The following UNC93A variants were observed in gnomAD, a reference collection of about 807,000 sequenced individuals.
UNC93A encodes N-acetylglucosamine transporter UNC93A.
In UNC93A, 43 loss-of-function variants were observed where a neutral mutation model predicts 47.5. That is an observed-to-expected ratio of 0.91 (90% CI 0.71 to 1.17). The LOEUF is 1.17. Among genes scored for constraint, UNC93A ranks in the 50% most tolerant of loss-of-function variants. The pLI, the probability that UNC93A is intolerant of heterozygous loss-of-function variation, is 0.00. For missense variants in UNC93A, 605 were observed against 577.6 expected, an observed-to-expected ratio of 1.05 and a Z score of -0.49; for synonymous variants, 280 against 258.0, an observed-to-expected ratio of 1.09 and a Z score of -0.82.
rs1222838854 is a variant in UNC93A at position 167,291,330 on chromosome 6, T to A, written c.-160T>A. Reference sequence around the variant, plus strand: ...AACCAAGTTCATTAACGAGTGACAGTCTTAATGACTAACACACCTCTAACA... The same window carrying A: ...AACCAAGTTCATTAACGAGTGACAGACTTAATGACTAACACACCTCTAACA... On this transcript the variant is annotated 5_prime_UTR_variant, in exon 1 of 8. Transcript: ENST00000230256. The A allele has an allele frequency of 1.1e-5, 6 of 562,742 alleles. No individual in the cohort carries two copies. Among genetic ancestry groups the A allele is most frequent in the Non-Finnish European group, 1.8e-5 (6 of 327,284 alleles). 34.9% of individuals were successfully genotyped at this position (562,742 alleles called of 1,614,324 possible).
chr6:167,308,380 A>T (rs1034048164), intron 7 of UNC93A, among the ~76,000 whole-genome samples: 24 of 152,118 alleles, frequency 1.6e-4, no homozygotes, highest in Admixed American at 1.3e-4. Flanking sequence ...CACACACATC[A>T]CAGGTCACTA....
chr6:167,315,394 C>A lies in UNC93A; in HGVS notation c.1316C>A (p.Pro439His). ...GTGGAGTCCAAGAACCCGATCAGAC[C>A]CCACGCTCCAGGACAGGTCAACCAG... The part of the protein sequence containing the change: ...ECVESKNPIR[P>H]HAPGQVNQAE... Residue 439 changes from proline to histidine, a missense_variant, in exon 8 of 8, where the codon CCC becomes CAC. Physicochemically the swap from Pro to His is moderately conservative, Grantham distance 77. Coordinates refer to ENST00000230256, the MANE Select transcript of UNC93A (RefSeq NM_018974.4). 1 of 1,613,870 alleles carries A rather than the reference C, an allele frequency of 6.2e-7. No homozygotes were observed. Among genetic ancestry groups the A allele is most frequent in the Non-Finnish European group, 8.5e-7 (1 of 1,179,852 alleles).
At chr6:167,283,196 TCAAA>T (rs1160299469) in intron 1 of UNC93A, among the ~76,000 whole-genome samples, 2 of 152,210 alleles carry the variant, frequency 1.3e-5, no homozygotes, top group Non-Finnish European at 2.9e-5. Flanking sequence ...TCAAAATGTG[TCAAA>T]CAAAGTTATT....
At chr6:167,301,089 G>A (rs762395779) in intron 4 of UNC93A, among the ~76,000 whole-genome samples, 1 of 152,282 alleles carries the variant, frequency 6.6e-6, no homozygotes, top group Non-Finnish European at 1.5e-5. Context: ...GCAGTGGGCA[G>A]GCTTTGGCCC....
Position 167,305,513 on chromosome 6 carries a change from G to A in UNC93A, c.841-402G>A, listed in dbSNP as rs572719286. Among the ~76,000 whole-genome samples the A allele has an allele frequency of 3.3e-5, 5 of 152,172 alleles. No individual in the cohort carries two copies. The East Asian group carries it at 5.8e-4, about 18-fold the overall frequency. Reference sequence around the variant, plus strand: ...GGCTGCTGGGCTGCTCTGAGGCCCCGGAAGAGGTGTCAGGGCAATCTTTTC... The same window carrying A: ...GGCTGCTGGGCTGCTCTGAGGCCCCAGAAGAGGTGTCAGGGCAATCTTTTC... On this transcript the variant is annotated intron_variant, in intron 5 of 7. Coordinates refer to ENST00000230256, the MANE Select transcript of UNC93A (RefSeq NM_018974.4).
chr6:167,294,441 GA>G, intron 1 of UNC93A, 75 bp from the exon 2 acceptor site: 1 of 1,545,432 alleles, frequency 6.5e-7, no homozygotes, highest in African/African-American at 1.4e-5. Context: ...CAGCCTGGGG[GA>G]CACTGAGGAC....
At chr6:167,290,818 C>A (rs1783826763), upstream of UNC93A, among the ~76,000 whole-genome samples, 1 of 152,176 alleles carries the variant, frequency 6.6e-6, no homozygotes, top group Admixed American at 6.5e-5. Flanking sequence ...ATTAGCATAG[C>A]ACTATTGTTG....
chr6:167,297,260 T>G (rs1197120431), intron 3 of UNC93A, among the ~76,000 whole-genome samples: 1 of 152,194 alleles, frequency 6.6e-6, no homozygotes, highest in African/African-American at 2.4e-5. Context: ...TTGGAGGGCG[T>G]CGTGTGCTTC....
At chr6:167,303,740 C>G (rs181429023) in intron 4 of UNC93A, among the ~76,000 whole-genome samples, 179 bp from the exon 5 acceptor site, 2 of 152,158 alleles carry the variant, frequency 1.3e-5, no homozygotes, top group East Asian at 3.9e-4. Context: ...AGAATCAGCA[C>G]GATCAAGTGC....
rs374190745 is a variant in UNC93A at position 167,298,225 on chromosome 6, G to A, written c.625+155G>A. On this transcript the variant is annotated intron_variant, in intron 4 of 7. Coordinates refer to ENST00000230256, the MANE Select transcript of UNC93A (RefSeq NM_018974.4). ...TATTGGTCTGGATTATATGCAGGCG[G>A]TGTTCTTATGAATCAAATGCAGTAC... 42 of 1,214,590 alleles carry A rather than the reference G, an allele frequency of 3.5e-5. 1 individual carries two copies. In the Middle Eastern group the frequency reaches 1.4e-3, roughly 42 times the overall value. The allele number at this position is 1,214,590 out of a possible 1,614,324, so 75.2% of individuals were successfully genotyped here.
At chr6:167,289,369 A>G (rs946098882), upstream of UNC93A, among the ~76,000 whole-genome samples, 8 of 152,220 alleles carry the variant, frequency 5.3e-5, no homozygotes, top group Non-Finnish European at 1.0e-4. Flanking sequence ...TCTGCTACAG[A>G]GAAAAGGCAG....
intron 3 of UNC93A, among the ~76,000 whole-genome samples, chr6:167,297,717 C>T (rs1778127374): frequency 6.6e-6 from 1 of 152,164 alleles, no homozygotes; most frequent in Admixed American, 6.5e-5. Flanking sequence ...CTTTGCAGAA[C>T]ACGAATAGGA....
intron 7 of UNC93A, among the ~76,000 whole-genome samples, chr6:167,311,921 G>A (rs115089969): frequency 5.2e-3 from 767 of 148,680 alleles, no homozygotes; most frequent in African/African-American, 0.019. Flanking sequence ...AGGAAGTAAC[G>A]CTGCCATGTG....
intron 7 of UNC93A, among the ~76,000 whole-genome samples, chr6:167,311,768 T>C (rs1778559812): frequency 6.6e-6 from 1 of 152,280 alleles, no homozygotes; most frequent in Non-Finnish European, 1.5e-5. Flanking sequence ...TAGTTTTAGA[T>C]TTACAGAAAA....
intron 1 of UNC93A, among the ~76,000 whole-genome samples, chr6:167,282,846 C>T (rs527492702): frequency 1.8e-4 from 27 of 152,226 alleles, no homozygotes; most frequent in African/African-American, 5.1e-4. Flanking sequence ...TCCTGAAAGG[C>T]GAGACGACTT....
chr6:167,310,117 T>C (rs1778517026), intron 7 of UNC93A, among the ~76,000 whole-genome samples: 1 of 152,250 alleles, frequency 6.6e-6, no homozygotes, highest in South Asian at 2.1e-4. Context: ...TCAAACAGTA[T>C]TTGTTTAAAC....
intron 7 of UNC93A, among the ~76,000 whole-genome samples, chr6:167,314,569 A>G (rs1037871531): frequency 1.3e-5 from 2 of 152,220 alleles, no homozygotes; most frequent in African/African-American, 4.8e-5. Context: ...TGGGGCTCCA[A>G]AATCCCTAAG....
Position 167,296,039 on chromosome 6 carries a change from T to G in UNC93A, c.277T>G (p.Leu93Val), listed in dbSNP as rs1778076764. The stretch of plus-strand genomic sequence containing the variant: ...TCTGCATTTTACCCACAGGTACACT[T>G]TGATCCCCACCTCCATACTGCTGGG... ...VGNFFASWYT[L>V]IPTSILLGLG... is the part of the protein sequence containing the mutation. Residue 93 changes from leucine (L) to valine (V), a missense_variant, in exon 3 of 8, where the codon TTG (leucine) becomes GTG (valine). Transcript: ENST00000230256. The G allele has an allele frequency of 6.2e-7, 1 of 1,613,942 alleles. No individual in the cohort carries two copies. Among genetic ancestry groups the G allele is most frequent in the Non-Finnish European group, 8.5e-7 (1 of 1,179,970 alleles).
intron 1 of UNC93A, 112 bp from the exon 2 acceptor site, chr6:167,294,405 C>A (rs778478995): frequency 4.7e-6 from 6 of 1,276,458 alleles, no homozygotes; most frequent in Non-Finnish European, 6.5e-6. Flanking sequence ...CTGTGGCTGG[C>A]GGTTCCTGGG....
Sources: gnomAD v4.1 joint callset for allele counts (sites outside exome capture counted in the v4.1 genomes callset) on GRCh38, gnomAD v4.1.1 for gene constraint, MANE v1.5 for transcripts, NCBI Gene and HGNC (gene_info 2026-07-23, HGNC 2026-07-21) for gene names.